The following IL1RAPL2 variants were observed in gnomAD, a reference collection of about 807,000 sequenced individuals.
IL1RAPL2 encodes the protein interleukin 1 receptor accessory protein like 2.
IL1RAPL2 carries 3 observed loss-of-function variants against 44.1 expected under a neutral mutation model. The observed-to-expected ratio is 0.07, with a 90% confidence interval of 0.03 to 0.18. The LOEUF is 0.18. IL1RAPL2 is among the 10% of genes least tolerant of loss of function. The pLI is 1.00. For missense variants in IL1RAPL2, 391 were observed against 496.4 expected, an observed-to-expected ratio of 0.79 and a Z score of 2.02; for synonymous variants, 181 against 178.8, an observed-to-expected ratio of 1.01 and a Z score of -0.10.
chrX:105,466,278 T>C (rs1202495312), intron 5 of IL1RAPL2, among the ~76,000 whole-genome samples: 1 of 111,061 alleles, frequency 9.0e-6, no homozygotes, highest in African/African-American at 3.3e-5. Context: ...TTAAGACATA[T>C]TCAGTCAAAA....
intron 1 of IL1RAPL2, among the ~76,000 whole-genome samples, chrX:104,641,344 A>T (rs1301297841): frequency 9.0e-6 from 1 of 111,064 alleles, no homozygotes; most frequent in Non-Finnish European, 1.9e-5. Flanking sequence ...TAGTCTGGGT[A>T]AGCTGCTGCT....
chrX:105,287,367 G>A (rs1366558164), intron 5 of IL1RAPL2, among the ~76,000 whole-genome samples: 1 of 111,597 alleles, frequency 9.0e-6, no homozygotes, highest in Admixed American at 9.5e-5. Context: ...ACAGCTGGCT[G>A]GAGTGAAGTG....
At position 105,223,585 on chromosome X, in the gene IL1RAPL2, A is replaced by G. The variant is rs1462681508; in HGVS notation, c.357-10233A>G. Among the ~76,000 whole-genome samples, 3 of 112,162 alleles carry G rather than the reference A, an allele frequency of 2.7e-5. No homozygotes were observed. In the East Asian group the frequency reaches 8.3e-4, roughly 31 times the overall value. ...TAAACACTTTTAAGAAATTAAAAGT[A>G]AATTGTTTCTTTTAGCAGCCTGGAG... On this transcript the variant is annotated intron_variant, in intron 3 of 10. Transcript: ENST00000372582.
At position 104,963,781 on chromosome X, in the gene IL1RAPL2, CTTCT is replaced by C. The variant is rs2030053196; in HGVS notation, c.83-231691_83-231688del. 3.6e-5 allele frequency among the ~76,000 whole-genome samples: 4 copies of C among 111,287 alleles called. No homozygotes were observed. The South Asian group carries it at 1.5e-3, about 42-fold the overall frequency. ...TTTTGACACCAAGTTTCTTTTAATC[CTTCT>C]TTAAGAGATTCTTCCTATAAGATTA... On this transcript the variant is annotated intron_variant, in intron 2 of 10. Coordinates refer to ENST00000372582, the MANE Select transcript of IL1RAPL2 (RefSeq NM_017416.2).
At chrX:104,877,531 A>T (rs939646469) in intron 2 of IL1RAPL2, among the ~76,000 whole-genome samples, 2 of 112,708 alleles carry the variant, frequency 1.8e-5, no homozygotes, top group African/African-American at 6.4e-5. Flanking sequence ...TTTTTATAGC[A>T]TCTAACTTCA....
At chrX:104,922,422 G>C (rs1402300352) in intron 2 of IL1RAPL2, among the ~76,000 whole-genome samples, 1 of 112,685 alleles carries the variant, frequency 8.9e-6, no homozygotes, top group African/African-American at 3.2e-5. Flanking sequence ...GAAGCACACA[G>C]TGCTGGGAAA....
At chrX:104,914,405 T>A (rs1289523644) in intron 2 of IL1RAPL2, among the ~76,000 whole-genome samples, 1 of 111,562 alleles carries the variant, frequency 9.0e-6, no homozygotes, top group East Asian at 2.8e-4. Flanking sequence ...GGAAAGTGTC[T>A]CATAAAAGAG....
At chrX:105,101,760 G>C (rs951641918) in intron 2 of IL1RAPL2, among the ~76,000 whole-genome samples, 1 of 111,786 alleles carries the variant, frequency 8.9e-6, no homozygotes, top group African/African-American at 3.3e-5. Flanking sequence ...CATACTCTGA[G>C]AACTCTACAA....
At chrX:105,084,268 T>C (rs936918022) in intron 2 of IL1RAPL2, among the ~76,000 whole-genome samples, 1 of 112,530 alleles carries the variant, frequency 8.9e-6, no homozygotes, top group African/African-American at 3.2e-5. Flanking sequence ...CCCAGAATGA[T>C]AGATCCACTG....
chrX:104,757,405 A>G (rs1257087489), intron 2 of IL1RAPL2, among the ~76,000 whole-genome samples: 1 of 111,511 alleles, frequency 9.0e-6, no homozygotes, highest in African/African-American at 3.3e-5. Context: ...TAAACGTCTA[A>G]GAGAATTGTT....
chrX:105,437,309 C>T (rs2035889100), intron 5 of IL1RAPL2, among the ~76,000 whole-genome samples: 1 of 109,885 alleles, frequency 9.1e-6, no homozygotes, highest in South Asian at 3.8e-4. Flanking sequence ...TACAGGTAAA[C>T]CAGACTTTAC....
At chrX:105,538,032 C>CTTTTTTT (rs1191360462) in intron 6 of IL1RAPL2, among the ~76,000 whole-genome samples, 6 of 80,726 alleles carry the variant, frequency 7.4e-5, no homozygotes, top group African/African-American at 3.5e-4. Flanking sequence ...ATTTTCCCTT[C>CTTTTTTT]TTTTTTTTTT....
chrX:105,669,019 G>A (rs2037794120), intron 6 of IL1RAPL2, among the ~76,000 whole-genome samples: 1 of 111,565 alleles, frequency 9.0e-6, no homozygotes, highest in Non-Finnish European at 1.9e-5. Context: ...TTAACAGTCT[G>A]TGGGGTTAAA....
intron 3 of IL1RAPL2, among the ~76,000 whole-genome samples, chrX:105,217,243 C>A (rs1330510804): frequency 1.5e-4 from 17 of 109,984 alleles, no homozygotes; most frequent in Admixed American, 6.8e-4. Flanking sequence ...CAATGAACTC[C>A]AACAAATTTA....
intron 2 of IL1RAPL2, among the ~76,000 whole-genome samples, chrX:104,667,043 C>T (rs771643620): frequency 1.8e-5 from 2 of 110,768 alleles, no homozygotes; most frequent in Non-Finnish European, 1.9e-5. Flanking sequence ...AATGACCTTC[C>T]CCCAGGCTAA....
At chrX:104,596,973 A>T (rs770981732) in intron 1 of IL1RAPL2, among the ~76,000 whole-genome samples, 4 of 111,149 alleles carry the variant, frequency 3.6e-5, no homozygotes, top group Non-Finnish European at 7.5e-5. Flanking sequence ...TTCAGACTTC[A>T]TGTACATGTA....
chrX:105,682,845 G>A (rs2037936874), intron 6 of IL1RAPL2, among the ~76,000 whole-genome samples: 1 of 112,201 alleles, frequency 8.9e-6, no homozygotes, highest in Non-Finnish European at 1.9e-5. Context: ...TAAAAGATAA[G>A]GTGAAAGCTT....
intron 2 of IL1RAPL2, among the ~76,000 whole-genome samples, chrX:104,674,877 T>C (rs1230144920): frequency 5.4e-5 from 6 of 112,131 alleles, no homozygotes. Context: ...TTTTCTAGTT[T>C]ATTTGCGTAG....
At chrX:104,668,463 CT>C (rs1930527615) in intron 2 of IL1RAPL2, among the ~76,000 whole-genome samples, 1 of 95,827 alleles carries the variant, frequency 1.0e-5, no homozygotes, top group African/African-American at 3.8e-5. Flanking sequence ...TCTCCTAATG[CT>C]ATCCCTCCCC....
Sources: allele counts gnomAD v4.1 joint callset (sites outside exome capture counted in the v4.1 genomes callset), GRCh38; gene constraint gnomAD v4.1.1; transcripts MANE v1.5; gene names NCBI Gene and HGNC (gene_info 2026-07-23, HGNC 2026-07-21).